Variants in SCAPER observed in about 807,000 individuals in gnomAD.
SCAPER encodes the protein S phase cyclin A-associated protein in the endoplasmic reticulum.
Under a neutral mutation model 182.2 loss-of-function variants are expected in SCAPER, and 98 were observed. That is an observed-to-expected ratio of 0.54 (90% CI 0.46 to 0.64). The LOEUF is 0.64. Ranked by LOEUF, SCAPER falls within the 30% of genes least tolerant of loss-of-function variation. The pLI is 0.00. For missense variants in SCAPER, 1,432 were observed against 1,690.0 expected (o/e 0.85, Z 2.68); for synonymous variants, 605 against 564.6 (o/e 1.07, Z -1.01).
At chr15:76,555,183 A>T (rs1419457284) in intron 23 of SCAPER, among the ~76,000 whole-genome samples, 1 of 152,208 alleles carries the variant, frequency 6.6e-6, no homozygotes, top group Non-Finnish European at 1.5e-5. Flanking sequence ...CATATAAGCA[A>T]ATTCTAAGGG....
chr15:76,414,576 A>G (rs964131492), intron 26 of SCAPER, among the ~76,000 whole-genome samples: 1 of 152,062 alleles, frequency 6.6e-6, no homozygotes, highest in Non-Finnish European at 1.5e-5. Context: ...AAGTGCTTCA[A>G]GGAAAAAAAA....
At chr15:76,530,796 A>G (rs2043591076) in intron 23 of SCAPER, among the ~76,000 whole-genome samples, 1 of 152,128 alleles carries the variant, frequency 6.6e-6, no homozygotes, top group South Asian at 2.1e-4. Context: ...AAGCGAAAGG[A>G]AAGGAAGAGA....
intron 25 of SCAPER, among the ~76,000 whole-genome samples, chr15:76,455,249 T>C (rs926105389): frequency 6.6e-6 from 1 of 152,240 alleles, no homozygotes; most frequent in Non-Finnish European, 1.5e-5. Context: ...AAAAATTGTA[T>C]ATACTTCAGG....
Position 76,836,715 on chromosome 15 carries a change from A to C in SCAPER, c.393+5019T>G, listed in dbSNP as rs112654644. On this transcript the variant is annotated intron_variant, in intron 5 of 31. Transcript: ENST00000563290. ...GGTGAAACCCCGTCTCTACTAAAAA[A>C]TACAAAAAATTAGCCGGGCGTGGTG... Among the ~76,000 whole-genome samples, 1,012 of 152,194 alleles carry C rather than the reference A, an allele frequency of 6.6e-3. 13 individuals are homozygous for C. Among genetic ancestry groups the C allele is most frequent in the African/African-American group, 0.023 (966 of 41,522 alleles).
intron 25 of SCAPER, among the ~76,000 whole-genome samples, chr15:76,456,103 T>C (rs1163066876): frequency 1.3e-5 from 2 of 152,226 alleles, no homozygotes; most frequent in East Asian, 3.9e-4. Flanking sequence ...AAGTCTTTGC[T>C]ATTGTAAATA....
chr15:76,850,942 C>T (rs2070695091), intron 4 of SCAPER, among the ~76,000 whole-genome samples: 1 of 150,598 alleles, frequency 6.6e-6, no homozygotes, highest in East Asian at 1.9e-4. Context: ...AGGCAAAACC[C>T]AATCCAAGGA....
intron 8 of SCAPER, among the ~76,000 whole-genome samples, chr15:76,787,204 A>C (rs563283472): frequency 1.4e-4 from 22 of 152,320 alleles, no homozygotes; most frequent in Non-Finnish European, 2.4e-4. Flanking sequence ...AAAAGAAAAG[A>C]AGCAATCACT....
At chr15:76,890,911 A>G (rs1403797325) in intron 1 of SCAPER, among the ~76,000 whole-genome samples, 2 of 152,194 alleles carry the variant, frequency 1.3e-5, no homozygotes, top group Non-Finnish European at 2.9e-5. Flanking sequence ...TTGATGCAAA[A>G]ATCCTCAATA....
intron 24 of SCAPER, among the ~76,000 whole-genome samples, chr15:76,498,014 A>AAAC (rs1597040948): frequency 4.0e-5 from 6 of 149,088 alleles, no homozygotes; most frequent in Non-Finnish European, 5.9e-5. Flanking sequence ...AAAAAAAAAA[A>AAAC]AAAAAATAAG....
intron 24 of SCAPER, among the ~76,000 whole-genome samples, chr15:76,501,842 G>A (rs559568878): frequency 6.6e-6 from 1 of 152,356 alleles, no homozygotes; most frequent in Admixed American, 6.5e-5. Context: ...AGGGATTTGT[G>A]CAGGAGAGCA....
In SCAPER at chr15:76,738,494, C is replaced by T. The variant is rs1598446214; in HGVS notation, c.1867-5110G>A. Among the ~76,000 whole-genome samples, 6 of 151,128 alleles carry T rather than the reference C, an allele frequency of 4.0e-5. No individual in the cohort carries two copies. In the South Asian group the frequency reaches 8.4e-4, roughly 21 times the overall value. On this transcript the variant is annotated intron_variant, in intron 15 of 31. Transcript: ENST00000563290. ...CGAAGCTTGCAGTGAGCCGACATCA[C>T]GCCACTGCACTCCATCCAGCCTAAG...
At chr15:76,650,828 C>G (rs1330598506) in intron 21 of SCAPER, among the ~76,000 whole-genome samples, 1 of 152,070 alleles carries the variant, frequency 6.6e-6, no homozygotes, top group Non-Finnish European at 1.5e-5. Context: ...AGTATCTTCT[C>G]TGACCACAGA....
chr15:76,660,806 C>T (rs901675497), intron 21 of SCAPER, among the ~76,000 whole-genome samples: 2 of 151,824 alleles, frequency 1.3e-5, no homozygotes, highest in African/African-American at 4.8e-5. Flanking sequence ...ATACCATGTT[C>T]ATGTACATTA....
intron 4 of SCAPER, among the ~76,000 whole-genome samples, chr15:76,850,402 T>A (rs972538505): frequency 3.9e-5 from 6 of 152,098 alleles, no homozygotes; most frequent in Admixed American, 1.3e-4. Context: ...ATACCCACTG[T>A]TAGTGACACA....
intron 4 of SCAPER, 112 bp downstream of exon 4, chr15:76,857,694 ATTT>A (rs1427566505): frequency 2.3e-5 from 16 of 710,468 alleles, no homozygotes; most frequent in Admixed American, 2.2e-4. Context: ...AGTACATTAA[ATTT>A]TTATTTAGAT....
chr15:76,404,446 GA>G, intron 27 of SCAPER, 77 bp downstream of exon 27: 1 of 1,405,722 alleles, frequency 7.1e-7, no homozygotes, highest in Non-Finnish European at 9.5e-7. Flanking sequence ...GAATTCCTAT[GA>G]AATGACCCTA....
chr15:76,436,926 A>G (rs1158922122), intron 25 of SCAPER, among the ~76,000 whole-genome samples: 1 of 152,230 alleles, frequency 6.6e-6, no homozygotes, highest in Non-Finnish European at 1.5e-5. Flanking sequence ...ACAGAATGAA[A>G]TCATATATCC....
chr15:76,408,872 C>T (rs986556713), intron 26 of SCAPER, among the ~76,000 whole-genome samples: 1 of 152,068 alleles, frequency 6.6e-6, no homozygotes, highest in Admixed American at 6.6e-5. Context: ...ATGAAAATGG[C>T]TTAGCTAGGT....
intron 2 of SCAPER, among the ~76,000 whole-genome samples, chr15:76,869,102 C>A (rs556707717): frequency 1.2e-4 from 18 of 152,084 alleles, no homozygotes; most frequent in African/African-American, 3.9e-4. Context: ...CTCACCATAC[C>A]AAAAAATCAA....
Sources: gnomAD v4.1 joint callset for allele counts (sites outside exome capture counted in the v4.1 genomes callset) on GRCh38, gnomAD v4.1.1 for gene constraint, MANE v1.5 for transcripts, NCBI Gene and HGNC (gene_info 2026-07-23, HGNC 2026-07-21) for gene names.